The following CDH13 variants were observed in gnomAD, a reference collection of about 807,000 sequenced individuals.
CDH13 encodes cadherin-13.
In CDH13, 24 loss-of-function variants were observed where a neutral mutation model predicts 63.8. That is an observed-to-expected ratio of 0.38 (90% CI 0.27 to 0.53). The LOEUF is 0.53. Among genes scored for constraint, CDH13 ranks in the 20% least tolerant of loss-of-function variants. The pLI is 0.85. For synonymous variants in CDH13, 503 were observed against 355.3 expected, an observed-to-expected ratio of 1.42 and a Z score of -4.67; for missense variants, 1,049 against 903.1, an observed-to-expected ratio of 1.16 and a Z score of -2.07.
intron 6 of CDH13, among the ~76,000 whole-genome samples, chr16:83,352,631 C>G (rs149960521): frequency 7.2e-5 from 11 of 152,320 alleles, no homozygotes; most frequent in Non-Finnish European, 1.0e-4. Flanking sequence ...TGGCTCACGC[C>G]TATAATCCCA....
intron 2 of CDH13, among the ~76,000 whole-genome samples, chr16:82,936,118 C>A (rs2042659636): frequency 6.6e-6 from 1 of 152,078 alleles, no homozygotes; most frequent in Non-Finnish European, 1.5e-5. Context: ...ATGTGGCTGG[C>A]AGAGAAAGGA....
At chr16:82,712,079 AT>A (rs1410775337) in intron 1 of CDH13, among the ~76,000 whole-genome samples, 1 of 152,056 alleles carries the variant, frequency 6.6e-6, no homozygotes, top group Non-Finnish European at 1.5e-5. Context: ...CTATCATATT[AT>A]TTCGTCCAAA....
chr16:82,838,858 G>T (rs1228199160), intron 1 of CDH13, among the ~76,000 whole-genome samples: 6 of 152,156 alleles, frequency 3.9e-5, no homozygotes, highest in Non-Finnish European at 7.3e-5. Flanking sequence ...CTTATGTAAA[G>T]GTCCCTGCCC....
chr16:83,600,431 A>C (rs1051464633), intron 7 of CDH13, among the ~76,000 whole-genome samples: 1 of 152,212 alleles, frequency 6.6e-6, no homozygotes, highest in African/African-American at 2.4e-5. Flanking sequence ...TCAGAAGTTA[A>C]AGGAACAGCA....
At chr16:83,006,546 A>T (rs1428016291) in intron 2 of CDH13, among the ~76,000 whole-genome samples, 1 of 151,878 alleles carries the variant, frequency 6.6e-6, no homozygotes, top group Non-Finnish European at 1.5e-5. Context: ...CGATAACACC[A>T]TTCTTGGTGG....
chr16:82,733,642 C>T (rs1477823563), intron 1 of CDH13, among the ~76,000 whole-genome samples: 1 of 152,160 alleles, frequency 6.6e-6, no homozygotes, highest in Non-Finnish European at 1.5e-5. Flanking sequence ...TCTATAGATG[C>T]TCAAGGTCAC....
At chr16:83,190,678 C>T (rs990721765) in intron 4 of CDH13, among the ~76,000 whole-genome samples, 2 of 152,064 alleles carry the variant, frequency 1.3e-5, no homozygotes, top group Non-Finnish European at 2.9e-5. Flanking sequence ...AGAAATAGCC[C>T]CAAGTGCTAA....
chr16:82,859,884 G>A lies in CDH13; in HGVS notation c.157+1411G>A, dbSNP rs143150530. Among the ~76,000 whole-genome samples the A allele has an allele frequency of 4.6e-3, 704 of 152,284 alleles. 6 individuals carry two copies. The highest frequency in any genetic ancestry group is 0.016 in the African/African-American group (674 of 41,558). ...CCCGTGCACCTCCCGATGAAATGAC[G>A]CCAATGAAATCATTTCAATAATTAG... On this transcript the variant is annotated intron_variant, in intron 2 of 13. Coordinates refer to ENST00000567109, the MANE Select transcript of CDH13 (RefSeq NM_001257.5).
intron 11 of CDH13, among the ~76,000 whole-genome samples, chr16:83,776,555 T>C (rs1260739583): frequency 6.6e-6 from 1 of 152,232 alleles, no homozygotes; most frequent in Non-Finnish European, 1.5e-5. Context: ...TGGGTGTTGA[T>C]ATATTTAAAT....
At chr16:83,182,752 G>A (rs1180112943) in intron 4 of CDH13, among the ~76,000 whole-genome samples, 1 of 152,178 alleles carries the variant, frequency 6.6e-6, no homozygotes, top group Non-Finnish European at 1.5e-5. Context: ...TAATGGGAAT[G>A]AGCGAAAACC....
At chr16:83,033,892 C>G (rs1916609761) in intron 3 of CDH13, among the ~76,000 whole-genome samples, 1 of 152,144 alleles carries the variant, frequency 6.6e-6, no homozygotes, top group Non-Finnish European at 1.5e-5. Flanking sequence ...CGAGCTTGGT[C>G]TTCCTCGATT....
chr16:83,010,361 T>A (rs565600391), intron 2 of CDH13, among the ~76,000 whole-genome samples: 55 of 152,184 alleles, frequency 3.6e-4, no homozygotes, highest in African/African-American at 1.1e-3. Flanking sequence ...CTGCATTAAC[T>A]GTAAGAGAAA....
chr16:83,622,416 G>T (rs1312176903), intron 8 of CDH13, among the ~76,000 whole-genome samples: 1 of 152,198 alleles, frequency 6.6e-6, no homozygotes, highest in Non-Finnish European at 1.5e-5. Flanking sequence ...TTCATCAGGA[G>T]ACTCGGACGA....
chr16:83,549,050 A>AT (rs2075442057), intron 7 of CDH13, among the ~76,000 whole-genome samples: 1 of 152,136 alleles, frequency 6.6e-6, no homozygotes, highest in South Asian at 2.1e-4. Flanking sequence ...CAGTGCTCTG[A>AT]CAGATCAAGA....
chr16:82,794,113 G>A (rs2036458583), intron 1 of CDH13, among the ~76,000 whole-genome samples: 1 of 151,904 alleles, frequency 6.6e-6, no homozygotes, highest in Non-Finnish European at 1.5e-5. Context: ...TTTGAATGAG[G>A]CCCAACACAA....
At chr16:83,087,559 T>C (rs2033666897) in intron 3 of CDH13, among the ~76,000 whole-genome samples, 1 of 150,014 alleles carries the variant, frequency 6.7e-6, no homozygotes, top group South Asian at 2.1e-4. Context: ...TCCCAGCTAC[T>C]CAGGAGGCTG....
chr16:83,032,899 G>A (rs1443163472), intron 3 of CDH13, among the ~76,000 whole-genome samples: 1 of 152,158 alleles, frequency 6.6e-6, no homozygotes, highest in Non-Finnish European at 1.5e-5. Context: ...GACCAGAAAA[G>A]GTGACCCACT....
At chr16:83,472,603 G>T (rs1342233213) in intron 6 of CDH13, among the ~76,000 whole-genome samples, 1 of 152,214 alleles carries the variant, frequency 6.6e-6, no homozygotes, top group African/African-American at 2.4e-5. Flanking sequence ...CCCTTGGGGT[G>T]TGGGGAGCAG....
At chr16:82,712,943 G>C (rs2032065671) in intron 1 of CDH13, among the ~76,000 whole-genome samples, 1 of 152,180 alleles carries the variant, frequency 6.6e-6, no homozygotes, top group South Asian at 2.1e-4. Flanking sequence ...TAGAACGTGA[G>C]CTTCATCAAG....
Sources: allele counts gnomAD v4.1 joint callset (sites outside exome capture counted in the v4.1 genomes callset), GRCh38; gene constraint gnomAD v4.1.1; transcripts MANE v1.5; gene names NCBI Gene and HGNC (gene_info 2026-07-23, HGNC 2026-07-21).